Variants in SIN3A observed in about 807,000 individuals in gnomAD.
The protein encoded by SIN3A is SIN3 transcription regulator family member A, also known as paired amphipathic helix protein Sin3a.
In SIN3A, 14 loss-of-function variants were observed where a neutral mutation model predicts 146.1. That is an observed-to-expected ratio of 0.10 (90% CI 0.06 to 0.15). SIN3A has a LOEUF of 0.15. Ranked by LOEUF, SIN3A falls within the 10% of genes least tolerant of loss-of-function variation. SIN3A has a pLI of 1.00. For synonymous variants in SIN3A, 572 were observed against 572.0 expected (o/e 1.00, Z 0.00); for missense variants, 1,028 against 1,576.0 (o/e 0.65, Z 5.89).
At chr15:75,430,501 T>C in intron 1 of SIN3A, 93 bp from the exon 2 acceptor site, 1 of 948,786 alleles carries the variant, frequency 1.1e-6, no homozygotes. Context: ...TAGTAAAAGC[T>C]TGACTCCCAG....
At chr15:75,449,447 T>C (rs573239400) in intron 1 of SIN3A, among the ~76,000 whole-genome samples, 12 of 152,322 alleles carry the variant, frequency 7.9e-5, no homozygotes, top group Non-Finnish European at 1.2e-4. Flanking sequence ...ATGAAAAATG[T>C]GAAAAACATT....
rs142781395 is a variant in SIN3A, at chr15:75,379,810, G to C, written c.3383+819C>G. On this transcript the variant is annotated intron_variant, in intron 19 of 20. Transcript: ENST00000394947. ...CTGTTTTCATATACTTGGAGGATCA[G>C]TATCACAATCTGCCTATACACAGAG... Among the ~76,000 whole-genome samples, 254 of 152,316 alleles carry C rather than the reference G, an allele frequency of 1.7e-3. 1 individual carries two copies. Among genetic ancestry groups the C allele is most frequent in the African/African-American group, 5.0e-3 (206 of 41,570 alleles).
chr15:75,405,581 T>C (rs1595903450), intron 9 of SIN3A, among the ~76,000 whole-genome samples: 1 of 151,834 alleles, frequency 6.6e-6, no homozygotes, highest in African/African-American at 2.4e-5. Context: ...TGAAACCCTG[T>C]CTCTACTAAA....
chr15:75,408,433 C>A (rs1177486287), intron 8 of SIN3A, among the ~76,000 whole-genome samples: 1 of 152,238 alleles, frequency 6.6e-6, no homozygotes, highest in Non-Finnish European at 1.5e-5. Flanking sequence ...CACTATTCAT[C>A]AGCCACCTCT....
At chr15:75,404,677 G>A (rs1007284880) in intron 9 of SIN3A, among the ~76,000 whole-genome samples, 52 of 151,676 alleles carry the variant, frequency 3.4e-4, no homozygotes, top group African/African-American at 1.1e-3. Flanking sequence ...GGAGGATTGC[G>A]TGAACCCGGG....
chr15:75,372,733 A>G (rs528479416), intron 20 of SIN3A, among the ~76,000 whole-genome samples: 4 of 148,910 alleles, frequency 2.7e-5, no homozygotes, highest in African/African-American at 9.9e-5. Flanking sequence ...AAGTGGGAGG[A>G]TCGCTTGAGC....
At chr15:75,417,657 A>T (rs2141520164) in intron 3 of SIN3A, among the ~76,000 whole-genome samples, 1 of 152,066 alleles carries the variant, frequency 6.6e-6, no homozygotes, top group East Asian at 1.9e-4. Flanking sequence ...GGGATTACAG[A>T]TGTGAGCCAC....
intron 1 of SIN3A, among the ~76,000 whole-genome samples, chr15:75,432,623 G>C (rs1468444808): frequency 2.1e-5 from 3 of 145,182 alleles, no homozygotes; most frequent in Admixed American, 7.1e-5. Flanking sequence ...GGAGGCAGAG[G>C]TTGCATGAGG....
intron 14 of SIN3A, among the ~76,000 whole-genome samples, chr15:75,394,138 T>G (rs1378590632): frequency 3.5e-4 from 54 of 152,300 alleles, no homozygotes; most frequent in East Asian, 1.9e-4. Flanking sequence ...CTCATTTTAC[T>G]ATTTTTAAAG....
At chr15:75,379,286 T>C (rs1037317683) in intron 19 of SIN3A, among the ~76,000 whole-genome samples, 2 of 152,172 alleles carry the variant, frequency 1.3e-5, no homozygotes, top group Non-Finnish European at 2.9e-5. Flanking sequence ...GTATAATCCA[T>C]ATAAACAAAA....
At chr15:75,407,510 G>A (rs1038385460) in intron 8 of SIN3A, among the ~76,000 whole-genome samples, 1 of 152,080 alleles carries the variant, frequency 6.6e-6, no homozygotes, top group Non-Finnish European at 1.5e-5. Flanking sequence ...TACCAGCTGA[G>A]GGAGAAAAGG....
Position 75,414,199 on chromosome 15 carries a change from T to C in SIN3A, c.473+6A>G, listed in dbSNP as rs1274761501. On this transcript the variant is annotated splice_donor_region_variant and intron_variant, in intron 4 of 20. Coordinates refer to ENST00000394947, the MANE Select transcript of SIN3A (RefSeq NM_001145358.2). The stretch of plus-strand genomic sequence containing the variant: ...CAAAGCTTGAGTACAATCACACATC[T>C]TTTACCTCTGAGATTTAAATTCCTT... 2.1e-6 allele frequency: 3 copies of C among 1,455,598 alleles called. No homozygotes were observed. The highest frequency in any genetic ancestry group is 2.8e-6 in the Non-Finnish European group (3 of 1,061,688). 90.2% of individuals were successfully genotyped at this position (1,455,598 alleles called of 1,614,324 possible).
chr15:75,395,012 A>G, intron 13 of SIN3A, 149 bp from the exon 14 acceptor site: 1 of 610,332 alleles, frequency 1.6e-6, no homozygotes, highest in South Asian at 2.4e-5. Context: ...CTATCAAACC[A>G]GTCTTGAACT....
Position 75,392,809 on chromosome 15 carries a change from C to G in SIN3A, c.2284G>C (p.Glu762Gln). The change falls in exon 15 of 21, where the codon GAG (glutamate) becomes CAG (glutamine). Residue 762 changes from glutamate (E) to glutamine (Q), a missense_variant. By Grantham distance (29) the Glu-to-Gln change is conservative (BLOSUM62 2). Transcript: ENST00000394947. ...EIESIYDERQ[E>Q]QATEENAGVP... ...CCAGCATTCTCCTCCGTAGCCTGCT[C>G]TTGCCTCTGATGGGACAGAGACACA... 1 of 1,606,332 alleles carries G rather than the reference C, an allele frequency of 6.2e-7. No homozygotes were observed. The highest frequency in any genetic ancestry group is 8.5e-7 in the Non-Finnish European group (1 of 1,176,164).
upstream of SIN3A, chr15:75,453,829 C>T (rs922104439): frequency 5.3e-5 from 8 of 152,364 alleles, no homozygotes; most frequent in African/African-American, 1.9e-4. Context: ...TCCCGAAATC[C>T]ACTCCGCACT....
chr15:75,425,462 C>CT (rs1246514952), intron 2 of SIN3A, among the ~76,000 whole-genome samples: 1 of 152,246 alleles, frequency 6.6e-6, no homozygotes, highest in Non-Finnish European at 1.5e-5. Context: ...GCCACCGCGC[C>CT]TGGCCTACTT....
intron 3 of SIN3A, among the ~76,000 whole-genome samples, chr15:75,417,131 T>C (rs1043453736): frequency 6.6e-6 from 1 of 151,952 alleles, no homozygotes; most frequent in Admixed American, 6.6e-5. Flanking sequence ...TGGATACAGT[T>C]TGGCTGGGGG....
intron 12 of SIN3A, among the ~76,000 whole-genome samples, chr15:75,398,893 G>C (rs1349022472): frequency 2.0e-5 from 3 of 151,928 alleles, no homozygotes; most frequent in African/African-American, 7.3e-5. Context: ...AGGGGAGGGA[G>C]AGCATTAGGA....
chr15:75,429,682 T>C (rs1159961272), intron 2 of SIN3A, among the ~76,000 whole-genome samples: 1 of 152,196 alleles, frequency 6.6e-6, no homozygotes, highest in Non-Finnish European at 1.5e-5. Flanking sequence ...GCAGCACCTT[T>C]GTAAAAGCAA....
Sources: allele counts gnomAD v4.1 joint callset (sites outside exome capture counted in the v4.1 genomes callset), GRCh38; gene constraint gnomAD v4.1.1; transcripts MANE v1.5; gene names NCBI Gene and HGNC (gene_info 2026-07-23, HGNC 2026-07-21).